The following PEMT variants were observed in gnomAD, a reference collection of about 807,000 sequenced individuals.
PEMT encodes the protein phospholipid methyltransferase.
PEMT carries 23 observed loss-of-function variants against 27.4 expected under a neutral mutation model. The ratio of observed to expected loss-of-function variants is 0.84; its 90% CI spans 0.60 to 1.19. PEMT has a LOEUF of 1.19. PEMT is among the 50% of genes most tolerant of loss of function. The pLI, the probability that PEMT is intolerant of heterozygous loss-of-function variation, is 0.00. For synonymous variants in PEMT, 137 were observed against 139.1 expected (o/e 0.98, Z 0.11); for missense variants, 307 against 310.1 (o/e 0.99, Z 0.07).
At chr17:17,575,389 T>C (rs1911508527) in intron 2 of PEMT, among the ~76,000 whole-genome samples, 1 of 152,252 alleles carries the variant, frequency 6.6e-6, no homozygotes, top group African/African-American at 2.4e-5. Context: ...GTGTGCCATA[T>C]AAGAGACCTT....
At chr17:17,576,752 G>A (rs1040479572) in intron 2 of PEMT, among the ~76,000 whole-genome samples, 168 bp downstream of exon 2, 43 of 152,192 alleles carry the variant, frequency 2.8e-4, no homozygotes, top group African/African-American at 8.4e-4. Flanking sequence ...AAGGCAAGAC[G>A]GCAGGAAGCG....
At chr17:17,552,564 T>A (rs1010179748) in intron 2 of PEMT, among the ~76,000 whole-genome samples, 1 of 151,908 alleles carries the variant, frequency 6.6e-6, no homozygotes, top group African/African-American at 2.4e-5. Flanking sequence ...CGGTGGGGAG[T>A]CCACCCCCAT....
intron 5 of PEMT, 72 bp downstream of exon 5, chr17:17,509,362 C>T (rs952355110): frequency 1.2e-5 from 12 of 972,882 alleles, no homozygotes; most frequent in East Asian, 4.9e-5. Context: ...CTGGCCCCCG[C>T]GTCCTGAGCT....
At chr17:17,576,817 T>C (rs1467139981) in intron 2 of PEMT, 103 bp downstream of exon 2, 6 of 877,646 alleles carry the variant, frequency 6.8e-6, no homozygotes, top group Non-Finnish European at 1.1e-5. Flanking sequence ...CAGAGCTGTC[T>C]GTCTGTCTGG....
chr17:17,520,142 GCCCC>G (rs996926665), intron 3 of PEMT, among the ~76,000 whole-genome samples: 1 of 152,220 alleles, frequency 6.6e-6, no homozygotes, highest in Non-Finnish European at 1.5e-5. Flanking sequence ...GCCAGCACCA[GCCCC>G]CTCCCTCCTG....
chr17:17,532,108 A>G (rs1228001854), intron 2 of PEMT, among the ~76,000 whole-genome samples: 1 of 152,222 alleles, frequency 6.6e-6, no homozygotes, highest in East Asian at 1.9e-4. Flanking sequence ...GAAAGACTGG[A>G]TGCCTTCCCC....
At chr17:17,528,047 C>T (rs924393992) in intron 2 of PEMT, among the ~76,000 whole-genome samples, 2 of 152,252 alleles carry the variant, frequency 1.3e-5, no homozygotes, top group South Asian at 2.1e-4. Flanking sequence ...GCTAGTGCTT[C>T]GCATTGGTAA....
At position 17,505,644 on chromosome 17, in the gene PEMT, C is replaced by T. The variant is rs938470672; in HGVS notation, c.*147G>A. The T allele has an allele frequency of 2.3e-6, 2 of 870,406 alleles. No homozygotes were observed. The highest frequency in any genetic ancestry group is 3.2e-6 in the Non-Finnish European group (2 of 615,922). 53.9% of individuals were successfully genotyped at this position (870,406 alleles called of 1,614,324 possible). A position where few individuals can be genotyped will look rare whatever the true frequency, so the allele number is the denominator to read the frequency against. Reference sequence around the variant, plus strand: ...CCATATGTCGGCACGTCCAGGGTCCCCAAGGCAGCAGGTTCCAAGGCACTG... The same window carrying T: ...CCATATGTCGGCACGTCCAGGGTCCTCAAGGCAGCAGGTTCCAAGGCACTG... On this transcript the variant is annotated 3_prime_UTR_variant, in exon 7 of 7. Coordinates refer to ENST00000255389, the MANE Select transcript of PEMT (RefSeq NM_148172.3).
chr17:17,511,055 C>G (rs1906348038), intron 4 of PEMT, among the ~76,000 whole-genome samples: 1 of 152,194 alleles, frequency 6.6e-6, no homozygotes, highest in East Asian at 1.9e-4. Flanking sequence ...TGGCTCCCAC[C>G]TCTCTGGGGA....
chr17:17,526,739 G>T (rs1907698247), intron 2 of PEMT, among the ~76,000 whole-genome samples: 1 of 152,206 alleles, frequency 6.6e-6, no homozygotes, highest in Admixed American at 6.5e-5. Context: ...GGTGTCCTTG[G>T]ACTCAGAGGT....
intron 2 of PEMT, among the ~76,000 whole-genome samples, chr17:17,527,743 G>A (rs867964706): frequency 1.2e-4 from 18 of 152,186 alleles, no homozygotes; most frequent in African/African-American, 4.3e-4. Context: ...GACAGGCCCC[G>A]GCAAAGCTGA....
Position 17,506,208 on chromosome 17 carries a change from C to T in PEMT, c.653+19G>A, listed in dbSNP as rs375888743. 3.2e-5 allele frequency: 49 copies of T among 1,537,038 alleles called. No individual in the cohort carries two copies. The highest frequency in any genetic ancestry group is 3.9e-5 in the Admixed American group (2 of 51,454). ...CCAGTCGGGCAGCCACGCCCCCACC[C>T]GCCGCAGCCCCTACTCACTCTTCGT... On this transcript the variant is annotated intron_variant, in intron 6 of 6. Coordinates refer to ENST00000255389, the MANE Select transcript of PEMT (RefSeq NM_148172.3).
At chr17:17,560,173 G>C (rs1910372709) in intron 2 of PEMT, among the ~76,000 whole-genome samples, 1 of 152,228 alleles carries the variant, frequency 6.6e-6, no homozygotes, top group Admixed American at 6.5e-5. Flanking sequence ...ATCGGGTGAA[G>C]GCAGACAGGG....
intron 2 of PEMT, among the ~76,000 whole-genome samples, chr17:17,529,565 G>T (rs539614778): frequency 6.6e-6 from 1 of 152,292 alleles, no homozygotes; most frequent in African/African-American, 2.4e-5. Context: ...CAGAGAGCAG[G>T]TCCCAGCACC....
At chr17:17,550,074 G>C (rs530609038) in intron 2 of PEMT, among the ~76,000 whole-genome samples, 25 of 152,328 alleles carry the variant, frequency 1.6e-4, no homozygotes, top group African/African-American at 5.1e-4. Flanking sequence ...CTGATAGCGG[G>C]GGGGATCAGC....
chr17:17,563,829 C>T (rs942301904), intron 2 of PEMT, among the ~76,000 whole-genome samples: 2 of 152,236 alleles, frequency 1.3e-5, no homozygotes, highest in Admixed American at 1.3e-4. Context: ...AGCTCCAGCA[C>T]AGCCCCACCC....
At chr17:17,541,100 A>C (rs1908851660) in intron 2 of PEMT, among the ~76,000 whole-genome samples, 1 of 152,182 alleles carries the variant, frequency 6.6e-6, no homozygotes, top group African/African-American at 2.4e-5. Context: ...ATGCATCTGC[A>C]TGTTTATTCC....
intron 2 of PEMT, among the ~76,000 whole-genome samples, chr17:17,546,146 C>G (rs1236921221): frequency 7.9e-5 from 12 of 152,210 alleles, no homozygotes; most frequent in South Asian, 2.1e-4. Context: ...GGGCGATGCA[C>G]AGACGCTCTG....
chr17:17,545,703 C>A (rs975341538), intron 2 of PEMT, among the ~76,000 whole-genome samples: 1 of 152,178 alleles, frequency 6.6e-6, no homozygotes, highest in Non-Finnish European at 1.5e-5. Flanking sequence ...AAAATGTTCT[C>A]TTTTGTGATA....
Sources: allele counts gnomAD v4.1 joint callset (sites outside exome capture counted in the v4.1 genomes callset), GRCh38; gene constraint gnomAD v4.1.1; transcripts MANE v1.5; gene names NCBI Gene and HGNC (gene_info 2026-07-23, HGNC 2026-07-21).